Variants in MTIF2 observed in about 807,000 individuals in gnomAD.
MTIF2 encodes the protein mitochondrial translational initiation factor 2, also known as translation initiation factor IF-2, mitochondrial.
MTIF2 carries 71 observed loss-of-function variants against 83.5 expected under a neutral mutation model. The observed-to-expected ratio is 0.85, with a 90% confidence interval of 0.70 to 1.04. The LOEUF is 1.04. Ranked by LOEUF, MTIF2 falls within the 50% of genes least tolerant of loss-of-function variation. The pLI is 0.00. For missense variants in MTIF2, 957 were observed against 846.5 expected, an observed-to-expected ratio of 1.13 and a Z score of -1.62; for synonymous variants, 319 against 287.1, an observed-to-expected ratio of 1.11 and a Z score of -1.12.
At chr2:55,264,452 GTC>G (rs1296896359) in intron 3 of MTIF2, among the ~76,000 whole-genome samples, 1 of 152,100 alleles carries the variant, frequency 6.6e-6, no homozygotes, top group Non-Finnish European at 1.5e-5. Flanking sequence ...GTCTAGGTTA[GTC>G]TCAAACTCCC....
At chr2:55,253,835 A>C (rs1677302211) in intron 7 of MTIF2, among the ~76,000 whole-genome samples, 1 of 147,084 alleles carries the variant, frequency 6.8e-6, no homozygotes, top group African/African-American at 2.5e-5. Context: ...AAAAAAAAAA[A>C]AAAGTTAACA....
At chr2:55,261,920 C>G (rs1373330970) in intron 5 of MTIF2, among the ~76,000 whole-genome samples, 1 of 141,928 alleles carries the variant, frequency 7.0e-6, no homozygotes, top group Non-Finnish European at 1.5e-5. Context: ...CAAAGCAAGA[C>G]CCTGTCTCAA....
intron 5 of MTIF2, among the ~76,000 whole-genome samples, chr2:55,259,985 T>G (rs1387198149): frequency 6.6e-6 from 1 of 152,132 alleles, no homozygotes; most frequent in African/African-American, 2.4e-5. Context: ...TCAATACTAT[T>G]TATAAAGCCA....
rs1677086183 is a variant in MTIF2, at chr2:55,251,429, T to G, written c.841+1048A>C. On this transcript the variant is annotated intron_variant, in intron 8 of 15. Coordinates refer to ENST00000263629, the MANE Select transcript of MTIF2 (RefSeq NM_002453.3). The stretch of plus-strand genomic sequence containing the variant: ...AAAATTAGTGTATAATTGTATATAA[T>G]TAGGGAGAGTTCTGGCTGCTGTCTG... 1.3e-5 allele frequency among the ~76,000 whole-genome samples: 2 copies of G among 152,222 alleles called. 1 individual carries two copies. The highest frequency in any genetic ancestry group is 2.9e-5 in the Non-Finnish European group (2 of 68,042).
chr2:55,252,145 G>T (rs555982908), intron 8 of MTIF2, among the ~76,000 whole-genome samples: 1 of 151,962 alleles, frequency 6.6e-6, no homozygotes, highest in African/African-American at 2.4e-5. Context: ...AACTCCTAAT[G>T]AATTTATGTG....
chr2:55,263,741 C>G lies in MTIF2; in HGVS notation c.118G>C (p.Ala40Pro), dbSNP rs1453913590. ...LRQWRHGFSS[A>P]YPVWTAQLCA... The stretch of plus-strand genomic sequence containing the variant: ...AGTTGAGCTGTCCACACAGGGTAAG[C>G]AGATGAAAACCCATGCCTCCACTGT... The change falls in exon 4 of 16, where the codon GCT (alanine) becomes CCT (proline). Residue 40 changes from alanine (A) to proline (P), a missense_variant. Physicochemically the swap from Ala to Pro is conservative, Grantham distance 27. Coordinates refer to ENST00000263629, the MANE Select transcript of MTIF2 (RefSeq NM_002453.3). 8 of 1,614,010 alleles carry G rather than the reference C, an allele frequency of 5.0e-6. No homozygotes were observed. The highest frequency in any genetic ancestry group is 6.8e-6 in the Non-Finnish European group (8 of 1,180,044).
chr2:55,240,190 TATG>T lies in MTIF2; in HGVS notation c.1706-18_1706-16del. The T allele has an allele frequency of 2.5e-6, 4 of 1,593,158 alleles. No individual in the cohort carries two copies. The highest frequency in any genetic ancestry group is 3.4e-6 in the Non-Finnish European group (4 of 1,164,114). On this transcript the variant is annotated splice_polypyrimidine_tract_variant and intron_variant, in intron 13 of 15. Coordinates refer to ENST00000263629, the MANE Select transcript of MTIF2 (RefSeq NM_002453.3). The stretch of plus-strand genomic sequence containing the variant: ...ATATATAACACCTAGCAAACAGAAA[TATG>T]ATCAATGAAGTAGCACAACGATTAC...
intron 13 of MTIF2, 151 bp downstream of exon 13, chr2:55,242,789 T>C: frequency 1.4e-6 from 1 of 713,528 alleles, no homozygotes; most frequent in Non-Finnish European, 2.2e-6. Flanking sequence ...CTATTAAGTT[T>C]CAATTGCTAG....
chr2:55,244,428 T>C (rs1676546391), intron 10 of MTIF2, among the ~76,000 whole-genome samples, 195 bp from the exon 11 acceptor site: 2 of 152,194 alleles, frequency 1.3e-5, no homozygotes, highest in Admixed American at 6.5e-5. Flanking sequence ...ATCCCAGCTA[T>C]TCAGCAGGCT....
intron 10 of MTIF2, among the ~76,000 whole-genome samples, chr2:55,245,839 C>A (rs115804802): frequency 0.027 from 4,175 of 152,234 alleles, 85 homozygotes; most frequent in South Asian, 0.047. Flanking sequence ...ACTTTCTATC[C>A]CAGTCTCCAT....
At chr2:55,257,130 T>C (rs1230928605) in intron 5 of MTIF2, among the ~76,000 whole-genome samples, 1 of 152,220 alleles carries the variant, frequency 6.6e-6, no homozygotes, top group Non-Finnish European at 1.5e-5. Context: ...ATGAAATAAG[T>C]AGTTTTATGT....
chr2:55,237,270 G>A lies in MTIF2; in HGVS notation c.2011+18C>T, dbSNP rs770439352. The stretch of plus-strand genomic sequence containing the variant: ...GGTGACTGGATATGCTATTATAGGA[G>A]ATTTTGATGTTGCTTACCCTTCCAA... On this transcript the variant is annotated intron_variant, in intron 15 of 15. Coordinates refer to ENST00000263629, the MANE Select transcript of MTIF2 (RefSeq NM_002453.3). The A allele has an allele frequency of 1.2e-6, 2 of 1,604,782 alleles. No individual in the cohort carries two copies. The highest frequency in any genetic ancestry group is 1.7e-6 in the Non-Finnish European group (2 of 1,177,076).
In MTIF2 at chr2:55,254,100, T is replaced by C; in HGVS notation, c.605A>G (p.Lys202Arg). Residue 202 changes from lysine to arginine, a missense_variant, in exon 7 of 16, where the codon AAA becomes AGA. Physicochemically the swap from Lys to Arg is conservative, Grantham distance 26. Transcript: ENST00000263629. ...GKTTLLDKFR[K>R]TQVAAVETGG... Reference sequence around the variant, plus strand: ...AGTTTCCACTGCTGCCACTTGAGTTTTTCGAAATTTGTCAAGTAATGTCGT... The same window carrying C: ...AGTTTCCACTGCTGCCACTTGAGTTCTTCGAAATTTGTCAAGTAATGTCGT... The C allele has an allele frequency of 6.2e-7, 1 of 1,614,178 alleles. No homozygotes were observed. Among genetic ancestry groups the C allele is most frequent in the Non-Finnish European group, 8.5e-7 (1 of 1,180,020 alleles).
chr2:55,263,576 C>T, intron 4 of MTIF2, 64 bp downstream of exon 4: 2 of 1,341,806 alleles, frequency 1.5e-6, no homozygotes, highest in African/African-American at 2.9e-5. Context: ...CGCCACGGCA[C>T]TCCAGCCGGG....
rs1676205983 is a variant in MTIF2 at position 55,240,253 on chromosome 2, T to C, written c.1706-78A>G. On this transcript the variant is annotated intron_variant, in intron 13 of 15. Transcript: ENST00000263629. ...ATTTATTTGTCTTTCAAGCAGAAAC[T>C]TGAATCTAAATTGTTTTATTTTCTA... The C allele has an allele frequency of 2.3e-6, 3 of 1,320,738 alleles. 1 individual carries two copies. The highest frequency in any genetic ancestry group is 2.8e-5 in the South Asian group (2 of 70,630). 81.8% of individuals were successfully genotyped at this position (1,320,738 alleles called of 1,614,324 possible).
chr2:55,249,047 G>A (rs1676901586), intron 9 of MTIF2, among the ~76,000 whole-genome samples: 1 of 152,192 alleles, frequency 6.6e-6, no homozygotes, highest in Non-Finnish European at 1.5e-5. Context: ...GCTGAGGTGG[G>A]AGGACAACTT....
chr2:55,266,812 G>C (rs914922589), intron 3 of MTIF2, among the ~76,000 whole-genome samples: 4 of 141,938 alleles, frequency 2.8e-5, no homozygotes, highest in African/African-American at 1.1e-4. Context: ...CTGTTGCCCA[G>C]GGTGGAGTTC....
intron 4 of MTIF2, among the ~76,000 whole-genome samples, chr2:55,263,063 A>AT (rs1678158869): frequency 6.6e-6 from 1 of 152,072 alleles, no homozygotes; most frequent in South Asian, 2.1e-4. Context: ...GGGTTTCACC[A>AT]TGTTGGCCAG....
intron 10 of MTIF2, among the ~76,000 whole-genome samples, chr2:55,245,738 T>C (rs2104340240): frequency 7.7e-6 from 1 of 129,034 alleles, no homozygotes; most frequent in Non-Finnish European, 1.7e-5. Flanking sequence ...GTTAGGTGTT[T>C]CTTACCATAA....
Sources: gnomAD v4.1 joint callset for allele counts (sites outside exome capture counted in the v4.1 genomes callset) on GRCh38, gnomAD v4.1.1 for gene constraint, MANE v1.5 for transcripts, NCBI Gene and HGNC (gene_info 2026-07-23, HGNC 2026-07-21) for gene names.